Variants in KAT14 observed in about 807,000 individuals in gnomAD.
KAT14 encodes cysteine-rich protein 2-binding protein.
In KAT14, 66 loss-of-function variants were observed where a neutral mutation model predicts 78.4. That is an observed-to-expected ratio of 0.84 (90% CI 0.69 to 1.03). The LOEUF is 1.03. KAT14 is among the 50% of genes least tolerant of loss of function. The probability of loss-of-function intolerance (pLI) is 0.00; values close to 1 mark genes in which losing one functional copy is unlikely to be tolerated. For synonymous variants in KAT14, 344 were observed against 359.4 expected, an observed-to-expected ratio of 0.96 and a Z score of 0.48; for missense variants, 870 against 972.5, an observed-to-expected ratio of 0.89 and a Z score of 1.40.
At chr20:18,140,843 A>AC (rs1255265299) in intron 1 of KAT14, among the ~76,000 whole-genome samples, 6 of 145,972 alleles carry the variant, frequency 4.1e-5, no homozygotes, top group Non-Finnish European at 7.5e-5. Context: ...AAAACCAATA[A>AC]AACAAAACAA....
At position 18,162,619 on chromosome 20, in the gene KAT14, C is replaced by G. The variant is rs1173474489; in HGVS notation, c.1342C>G (p.Leu448Val). 1.2e-6 allele frequency: 2 copies of G among 1,614,062 alleles called. No homozygotes were observed. The highest frequency in any genetic ancestry group is 1.7e-6 in the Non-Finnish European group (2 of 1,180,034). ...GGCTAGAGAAAAGAGGAAGCCTCAG[C>G]TGGAGAAGGACACAAAGCCGAAAGA... is the stretch of plus-strand genomic sequence containing the variant. ...TRAREKRKPQ[L>V]EKDTKPKEPR... Residue 448 changes from leucine (L) to valine (V), a missense_variant, in exon 7 of 11, where the codon CTG (leucine) becomes GTG (valine). By Grantham distance (32) the Leu-to-Val change is conservative. Coordinates refer to ENST00000688188, the MANE Select transcript of KAT14 (RefSeq NM_001392073.1).
chr20:18,164,218 C>A (rs916569239), intron 7 of KAT14, among the ~76,000 whole-genome samples: 1 of 152,128 alleles, frequency 6.6e-6, no homozygotes. Flanking sequence ...GGAGCCAAGT[C>A]GGGAGGGCCC....
intron 4 of KAT14, among the ~76,000 whole-genome samples, chr20:18,155,987 A>G (rs1025122177): frequency 7.2e-5 from 11 of 152,240 alleles, no homozygotes; most frequent in Admixed American, 7.2e-4. Context: ...GAAGCAACCA[A>G]AGTGTCCATC....
intron 1 of KAT14, 80 bp downstream of exon 1, chr20:18,138,131 G>A (rs2037367235): frequency 7.3e-7 from 1 of 1,373,950 alleles, no homozygotes; most frequent in Non-Finnish European, 9.4e-7. Context: ...TGCCCGCTCG[G>A]TTCCTCAGCT....
intron 1 of KAT14, among the ~76,000 whole-genome samples, chr20:18,140,838 C>CAAAAAAAAAAAAAA: frequency 9.1e-6 from 1 of 109,696 alleles, no homozygotes; most frequent in African/African-American, 3.6e-5. Context: ...AAAAAAAAAC[C>CAAAAAAAAAAAAAA]AATAAAACAA....
chr20:18,184,884 A>G (rs1256726449), intron 10 of KAT14, 92 bp downstream of exon 10: 3 of 1,325,880 alleles, frequency 2.3e-6, no homozygotes, highest in Admixed American at 2.8e-5. Context: ...CCTTCCCAGC[A>G]TGGCCCAATG....
chr20:18,140,596 G>A (rs1166092594), intron 1 of KAT14, among the ~76,000 whole-genome samples: 1 of 151,774 alleles, frequency 6.6e-6, no homozygotes, highest in Non-Finnish European at 1.5e-5. Flanking sequence ...GATCATTTGA[G>A]GTCAGGAGTT....
intron 7 of KAT14, among the ~76,000 whole-genome samples, chr20:18,181,419 A>G (rs2039246805): frequency 8.0e-6 from 1 of 124,744 alleles, no homozygotes; most frequent in Non-Finnish European, 1.6e-5. Context: ...CCCAGGCTGG[A>G]GTGCAGTGGT....
chr20:18,161,195 A>G (rs927335309), intron 5 of KAT14, among the ~76,000 whole-genome samples: 1 of 150,898 alleles, frequency 6.6e-6, no homozygotes, highest in African/African-American at 2.4e-5. Flanking sequence ...AAAAGTACCC[A>G]TTGAAATGCC....
chr20:18,178,064 C>T (rs998394722), intron 7 of KAT14, among the ~76,000 whole-genome samples: 1 of 151,214 alleles, frequency 6.6e-6, no homozygotes, highest in African/African-American at 2.4e-5. Context: ...GCCAAGATCG[C>T]ACCACTGCAC....
At chr20:18,145,933 C>T (rs2037810904) in intron 3 of KAT14, among the ~76,000 whole-genome samples, 1 of 152,074 alleles carries the variant, frequency 6.6e-6, no homozygotes, top group South Asian at 2.1e-4. Flanking sequence ...AACAATAAAA[C>T]TATTTTTTTA....
At chr20:18,148,812 G>T (rs1192871646) in intron 3 of KAT14, among the ~76,000 whole-genome samples, 1 of 151,664 alleles carries the variant, frequency 6.6e-6, no homozygotes, top group Non-Finnish European at 1.5e-5. Flanking sequence ...GTTTCACCAT[G>T]TTGGCCAGGC....
upstream of KAT14, chr20:18,137,769 G>C (rs1384256641): frequency 1.9e-6 from 1 of 536,800 alleles, no homozygotes; most frequent in African/African-American, 2.0e-5. Context: ...AGTTCGTAGA[G>C]CCTGGGCGCC....
rs2037619462 is a variant in KAT14, at chr20:18,142,343, T to G, written c.-318T>G. 2 of 1,536,150 alleles carry G rather than the reference T, an allele frequency of 1.3e-6. No individual in the cohort carries two copies. Among genetic ancestry groups the G allele is most frequent in the African/African-American group, 2.7e-5 (2 of 73,004 alleles). On this transcript the variant is annotated 5_prime_UTR_variant, in exon 2 of 11. Coordinates refer to ENST00000688188, the MANE Select transcript of KAT14 (RefSeq NM_001392073.1). ...AGAGAAGATGTTATTGGCAAAAGGA[T>G]CTCAAAAATCATGACTTGAATGTGA...
Position 18,162,937 on chromosome 20 carries a change from C to T in KAT14, c.1660C>T (p.Arg554Ter), listed in dbSNP as rs762552568. Residue 554 changes from arginine to a stop codon, truncating the protein, a stop_gained, in exon 7 of 11, where the codon CGA becomes TGA. Coordinates refer to ENST00000688188, the MANE Select transcript of KAT14 (RefSeq NM_001392073.1). LOFTEE classifies it high-confidence loss of function. ...TTCQDFRILD[R>*]YQTSLPSRKG... is the part of the protein sequence containing the mutation. Reference sequence around the variant, plus strand: ...CTGTCAGGACTTCAGAATCCTTGACCGATACCAGGTGAATGCAAGCACTTG... The same window carrying T: ...CTGTCAGGACTTCAGAATCCTTGACTGATACCAGGTGAATGCAAGCACTTG... 6 of 1,613,484 alleles carry T rather than the reference C, an allele frequency of 3.7e-6. No homozygotes were observed. The highest frequency in any genetic ancestry group is 1.3e-5 in the African/African-American group (1 of 74,894).
At chr20:18,181,647 G>C in intron 7 of KAT14, 63 bp from the exon 8 acceptor site, 1 of 1,604,342 alleles carries the variant, frequency 6.2e-7, no homozygotes, top group Middle Eastern at 1.7e-4. Flanking sequence ...GGGATTACCG[G>C]CATGAGCCAC....
intron 7 of KAT14, among the ~76,000 whole-genome samples, chr20:18,179,235 A>G (rs538818075): frequency 4.6e-4 from 70 of 152,268 alleles, no homozygotes; most frequent in African/African-American, 1.7e-3. Flanking sequence ...TGCACAGTGC[A>G]GGCTATCGGT....
intron 3 of KAT14, among the ~76,000 whole-genome samples, chr20:18,150,396 C>G (rs1388320482): frequency 6.6e-6 from 1 of 152,106 alleles, no homozygotes. Context: ...AGGGTAGTGC[C>G]GTTGGTCAGA....
At chr20:18,157,334 A>G (rs1457050580) in intron 4 of KAT14, among the ~76,000 whole-genome samples, 1 of 151,614 alleles carries the variant, frequency 6.6e-6, no homozygotes, top group African/African-American at 2.4e-5. Context: ...TCCCACCTCA[A>G]CCTCCCAAGT....
Sources: allele counts gnomAD v4.1 joint callset (sites outside exome capture counted in the v4.1 genomes callset), GRCh38; gene constraint gnomAD v4.1.1; transcripts MANE v1.5; gene names NCBI Gene and HGNC (gene_info 2026-07-23, HGNC 2026-07-21).